The following ADCY2 variants were observed in gnomAD, a reference collection of about 807,000 sequenced individuals.
ADCY2 encodes adenylate cyclase type 2.
ADCY2 carries 31 observed loss-of-function variants against 125.2 expected under a neutral mutation model. That is an observed-to-expected ratio of 0.25 (90% confidence interval 0.19 to 0.33). The LOEUF (loss-of-function observed/expected upper bound fraction) is 0.33. Ranked by LOEUF, ADCY2 falls within the 10% of genes least tolerant of loss-of-function variation. ADCY2 has a pLI of 1.00. For synonymous variants in ADCY2, 512 were observed against 548.4 expected, an observed-to-expected ratio of 0.93 and a Z score of 0.93; for missense variants, 904 against 1,418.2, an observed-to-expected ratio of 0.64 and a Z score of 5.82.
intron 2 of ADCY2, among the ~76,000 whole-genome samples, chr5:7,519,835 C>A (rs1432261886): frequency 2.6e-5 from 4 of 152,304 alleles, no homozygotes; most frequent in African/African-American, 9.6e-5. Context: ...CCCCCAGCTC[C>A]TGGCAACCCC....
At chr5:7,795,421 C>G (rs577711796) in intron 20 of ADCY2, 1 of 152,354 alleles carries the variant, frequency 6.6e-6, no homozygotes, top group Non-Finnish European at 1.5e-5. Flanking sequence ...CACTTCGCTC[C>G]TGTTCCTGGC....
chr5:7,717,341 A>G (rs1401341238), intron 12 of ADCY2, 104 bp downstream of exon 12: 1 of 666,006 alleles, frequency 1.5e-6, no homozygotes, highest in African/African-American at 1.8e-5. Flanking sequence ...CAAGTTTCTG[A>G]GACCATTCAT....
At chr5:7,419,731 T>C (rs1740118809) in intron 2 of ADCY2, among the ~76,000 whole-genome samples, 1 of 152,156 alleles carries the variant, frequency 6.6e-6, no homozygotes, top group Non-Finnish European at 1.5e-5. Flanking sequence ...CTTCCAGCAG[T>C]TGAGGGCAAG....
chr5:7,568,276 G>T (rs530750100), intron 3 of ADCY2, among the ~76,000 whole-genome samples: 24 of 152,166 alleles, frequency 1.6e-4, no homozygotes, highest in Middle Eastern at 3.4e-3. Flanking sequence ...AATATCTTGG[G>T]CTCTAATCTT....
chr5:7,429,796 A>G (rs752942831), intron 2 of ADCY2, among the ~76,000 whole-genome samples: 1 of 152,228 alleles, frequency 6.6e-6, no homozygotes, highest in African/African-American at 2.4e-5. Context: ...TTAAATGTTT[A>G]TGCTGAAAAG....
intron 2 of ADCY2, among the ~76,000 whole-genome samples, chr5:7,476,448 G>A (rs1742529255): frequency 6.6e-6 from 1 of 152,190 alleles, no homozygotes. Flanking sequence ...GTGGTCAACA[G>A]AGCCCGAAAC....
intron 14 of ADCY2, among the ~76,000 whole-genome samples, chr5:7,739,988 A>G (rs1742363380): frequency 6.6e-6 from 1 of 152,012 alleles, no homozygotes; most frequent in Non-Finnish European, 1.5e-5. Context: ...TAAGAAAATA[A>G]GATAGAAAGA....
intron 14 of ADCY2, among the ~76,000 whole-genome samples, chr5:7,730,036 A>C (rs907629256): frequency 6.6e-6 from 1 of 151,816 alleles, no homozygotes; most frequent in Non-Finnish European, 1.5e-5. Flanking sequence ...CTCCTCTCCT[A>C]CCCTTCCCCC....
chr5:7,536,117 A>G (rs1002676550), intron 3 of ADCY2, among the ~76,000 whole-genome samples: 2 of 152,238 alleles, frequency 1.3e-5, no homozygotes, highest in East Asian at 1.9e-4. Flanking sequence ...TGTAAGGCTT[A>G]TTAACAGGTT....
chr5:7,741,599 TCACCATC>T (rs1742411147), intron 14 of ADCY2, among the ~76,000 whole-genome samples: 1 of 140,248 alleles, frequency 7.1e-6, no homozygotes, highest in African/African-American at 2.6e-5. Flanking sequence ...ACCATCACCA[TCACCATC>T]ATCACCATCA....
At position 7,618,515 on chromosome 5, in the gene ADCY2, A is replaced by G. The variant is rs72710468; in HGVS notation, c.571-7652A>G. Among the ~76,000 whole-genome samples the G allele has an allele frequency of 3.7e-3, 565 of 152,318 alleles. 5 individuals carry two copies. Among genetic ancestry groups the G allele is most frequent in the Non-Finnish European group, 5.5e-3 (375 of 68,022 alleles). ...CTAAAATGGAGTATTATTTTCTCCT[A>G]AACTAAGCTGCGTAAGTCAGACTCT... On this transcript the variant is annotated intron_variant, in intron 3 of 24. Transcript: ENST00000338316.
In ADCY2 at chr5:7,826,811, G is replaced by A; in HGVS notation, c.3216G>A (p.Lys1072=). 1 of 1,614,188 alleles carries A rather than the reference G, an allele frequency of 6.2e-7. No individual in the cohort carries two copies. Among genetic ancestry groups the A allele is most frequent in the Middle Eastern group, 1.6e-4 (1 of 6,062 alleles). ...ACGTGAAAGGAAAGGGGGACCTGAA[G>A]ACGTACTTTGTAAACACAGAAATGT... is the stretch of plus-strand genomic sequence containing the variant. ...IINVKGKGDL[K]TYFVNTEMSR... Residue 1072 remains lysine, a synonymous_variant, in exon 25 of 25, where the codon AAG becomes AAA. Coordinates refer to ENST00000338316, the MANE Select transcript of ADCY2 (RefSeq NM_020546.3).
intron 3 of ADCY2, among the ~76,000 whole-genome samples, chr5:7,557,135 TTA>T (rs60652060): frequency 1.1e-3 from 89 of 77,530 alleles, no homozygotes; most frequent in South Asian, 4.9e-3. Flanking sequence ...CAAAAACAGT[TTA>T]TATATATATA....
intron 3 of ADCY2, among the ~76,000 whole-genome samples, chr5:7,574,697 A>G (rs1240302095): frequency 1.3e-5 from 2 of 152,234 alleles, no homozygotes; most frequent in African/African-American, 4.8e-5. Flanking sequence ...ATTAGATCCC[A>G]GATGTAGAGG....
In ADCY2 at chr5:7,727,847, C is replaced by T. The variant is rs889999356; in HGVS notation, c.1871+586C>T. ...CACATTTCATGCTTCGAGGTGAATT[C>T]CTTCTGGTTCCACTTAATGGTGAAA... is the stretch of plus-strand genomic sequence containing the variant. On this transcript the variant is annotated intron_variant, in intron 14 of 24. Transcript: ENST00000338316. Among the ~76,000 whole-genome samples the T allele has an allele frequency of 1.2e-4, 19 of 152,160 alleles. No individual in the cohort carries two copies. In the South Asian group the frequency reaches 2.1e-3, roughly 17 times the overall value.
intron 4 of ADCY2, among the ~76,000 whole-genome samples, chr5:7,631,708 C>T (rs1052208308): frequency 1.3e-5 from 2 of 152,200 alleles, no homozygotes; most frequent in East Asian, 3.9e-4. Flanking sequence ...ATCTTACTCC[C>T]TCCATGACCA....
chr5:7,534,916 C>T (rs1579546914), intron 3 of ADCY2, among the ~76,000 whole-genome samples: 1 of 152,356 alleles, frequency 6.6e-6, no homozygotes, highest in Middle Eastern at 3.4e-3. Context: ...CCCCTCGTAT[C>T]ATAGTCATAT....
At chr5:7,690,887 T>C (rs767317831) in intron 5 of ADCY2, 48 bp downstream of exon 5, 1 of 1,451,980 alleles carries the variant, frequency 6.9e-7, no homozygotes, top group African/African-American at 1.4e-5. Flanking sequence ...TCTGCCTGAC[T>C]GGAGACATTT....
intron 3 of ADCY2, among the ~76,000 whole-genome samples, chr5:7,583,389 T>G (rs942825542): frequency 1.3e-5 from 2 of 152,088 alleles, no homozygotes; most frequent in African/African-American, 4.8e-5. Flanking sequence ...CACAGTGATC[T>G]TGTAAAAGTA....
Sources: gnomAD v4.1 joint callset for allele counts (sites outside exome capture counted in the v4.1 genomes callset) on GRCh38, gnomAD v4.1.1 for gene constraint, MANE v1.5 for transcripts, NCBI Gene and HGNC (gene_info 2026-07-23, HGNC 2026-07-21) for gene names.